FRMPD4: variants seen among roughly 807,000 people sequenced by gnomAD.
FRMPD4 encodes the protein FERM and PDZ domain-containing protein 4.
In FRMPD4, 22 loss-of-function variants were observed where a neutral mutation model predicts 94.1. That is an observed-to-expected ratio of 0.23 (90% CI 0.17 to 0.33). FRMPD4 has a LOEUF of 0.33. FRMPD4 is among the 10% of genes least tolerant of loss of function. The probability of loss-of-function intolerance (pLI) is 1.00; values close to 1 mark genes in which losing one functional copy is unlikely to be tolerated. For synonymous variants in FRMPD4, 631 were observed against 548.6 expected, an observed-to-expected ratio of 1.15 and a Z score of -2.10; for missense variants, 1,111 against 1,339.9, an observed-to-expected ratio of 0.83 and a Z score of 2.67.
chrX:12,632,396 T>C (rs992924907), intron 4 of FRMPD4, among the ~76,000 whole-genome samples: 1 of 111,842 alleles, frequency 8.9e-6, no homozygotes, highest in African/African-American at 3.3e-5. Context: ...TGTGACCCCA[T>C]CCACTAATCC....
chrX:12,617,400 G>C (rs1355026802), intron 4 of FRMPD4, among the ~76,000 whole-genome samples: 1 of 112,161 alleles, frequency 8.9e-6, no homozygotes, highest in Non-Finnish European at 1.9e-5. Context: ...AGTTGCAACA[G>C]AAACTGTCTG....
chrX:12,278,295 C>T (rs903512227), intron 1 of FRMPD4, among the ~76,000 whole-genome samples: 5 of 112,016 alleles, frequency 4.5e-5, no homozygotes, highest in African/African-American at 1.6e-4. Flanking sequence ...TTCCCCCAGA[C>T]CCTGGTTGAT....
intron 4 of FRMPD4, among the ~76,000 whole-genome samples, chrX:12,633,729 T>G (rs2148451111): frequency 8.9e-6 from 1 of 112,521 alleles, no homozygotes; most frequent in East Asian, 2.8e-4. Context: ...AAATTTGTTT[T>G]GATTCCACCT....
intron 1 of FRMPD4, among the ~76,000 whole-genome samples, chrX:12,173,995 G>A (rs2056262761): frequency 9.0e-6 from 1 of 111,520 alleles, no homozygotes; most frequent in Non-Finnish European, 1.9e-5. Flanking sequence ...GGCTCTTCCA[G>A]GGGCTGCCTC....
intron 1 of FRMPD4, among the ~76,000 whole-genome samples, chrX:12,484,663 C>T (rs954350610): frequency 3.6e-5 from 4 of 111,590 alleles, no homozygotes; most frequent in Non-Finnish European, 3.8e-5. Context: ...CTCTAGAGTT[C>T]AGTTTCATTC....
At chrX:12,596,655 T>C (rs1429465934) in intron 2 of FRMPD4, among the ~76,000 whole-genome samples, 2 of 110,653 alleles carry the variant, frequency 1.8e-5, no homozygotes, top group Non-Finnish European at 3.8e-5. Flanking sequence ...CCTCCAAGTG[T>C]CCAGGAAAGA....
chrX:12,650,617 G>C (rs1000960206), intron 4 of FRMPD4, among the ~76,000 whole-genome samples: 1 of 111,983 alleles, frequency 8.9e-6, no homozygotes, highest in Admixed American at 9.5e-5. Flanking sequence ...ATAGTATTTG[G>C]AGAAGGGAAG....
intron 1 of FRMPD4, among the ~76,000 whole-genome samples, chrX:12,300,807 G>T (rs1451778389): frequency 9.0e-6 from 1 of 111,572 alleles, no homozygotes; most frequent in Admixed American, 9.5e-5. Context: ...AGATCCACAG[G>T]GTCTTAATCC....
chrX:12,486,147 A>G (rs2057736976), intron 1 of FRMPD4, among the ~76,000 whole-genome samples: 2 of 110,933 alleles, frequency 1.8e-5, no homozygotes, highest in African/African-American at 6.6e-5. Context: ...GATAGTTAAC[A>G]TCCTGTTTCA....
intron 1 of FRMPD4, among the ~76,000 whole-genome samples, chrX:11,855,755 C>A (rs929256135): frequency 8.9e-6 from 1 of 112,136 alleles, no homozygotes; most frequent in Non-Finnish European, 1.9e-5. Flanking sequence ...TTTTCCACAT[C>A]TTCCTGTCTT....
chrX:12,563,903 G>T (rs955431974), intron 2 of FRMPD4, among the ~76,000 whole-genome samples: 1 of 112,196 alleles, frequency 8.9e-6, no homozygotes, highest in Non-Finnish European at 1.9e-5. Context: ...GAGGACATTT[G>T]CTTTATGTCT....
At chrX:12,492,578 G>A (rs768993729) in intron 1 of FRMPD4, among the ~76,000 whole-genome samples, 7 of 112,084 alleles carry the variant, frequency 6.2e-5, no homozygotes. Context: ...CTGCTTTCAT[G>A]AGGCTTGGCA....
chrX:12,239,663 A>G (rs1187277570), intron 1 of FRMPD4, among the ~76,000 whole-genome samples: 1 of 112,076 alleles, frequency 8.9e-6, no homozygotes, highest in African/African-American at 3.2e-5. Context: ...TCCAGCTGCT[A>G]TAATAGAATC....
At chrX:12,231,637 C>G (rs953022776) in intron 1 of FRMPD4, among the ~76,000 whole-genome samples, 2 of 111,444 alleles carry the variant, frequency 1.8e-5, no homozygotes, top group African/African-American at 6.5e-5. Flanking sequence ...CTGGCCCTAC[C>G]CAGATTTGCT....
rs778006845 is a variant in FRMPD4, at chrX:12,225,619, A to G, written c.41+86607A>G. ...AAAATGGAACAAAGAAAAAAAATAC[A>G]CAGATTAGATGGAGCTAGCCAGGGA... On this transcript the variant is annotated intron_variant, in intron 1 of 16. Transcript: ENST00000675598. Among the ~76,000 whole-genome samples the G allele has an allele frequency of 1.4e-3, 157 of 111,982 alleles. 1 individual carries two copies. The highest frequency in any genetic ancestry group is 2.2e-3 in the Non-Finnish European group (119 of 53,184).
chrX:12,043,092 AT>A (rs1027850709), intron 3 of FRMPD4, among the ~76,000 whole-genome samples: 1 of 111,405 alleles, frequency 9.0e-6, no homozygotes, highest in African/African-American at 3.3e-5. Context: ...TTTTCTGTTT[AT>A]TGTTTGCCTT....
chrX:12,439,892 A>G (rs1251087004), intron 1 of FRMPD4, among the ~76,000 whole-genome samples: 1 of 112,014 alleles, frequency 8.9e-6, no homozygotes, highest in Non-Finnish European at 1.9e-5. Context: ...GACCTTTCCA[A>G]AAATGGGGGG....
At chrX:12,713,529 CAG>C (rs1337526962) in intron 14 of FRMPD4, among the ~76,000 whole-genome samples, 1 of 110,092 alleles carries the variant, frequency 9.1e-6, no homozygotes, top group Non-Finnish European at 1.9e-5. Flanking sequence ...GCGAGGATAA[CAG>C]AGAGAGAGCA....
intron 1 of FRMPD4, among the ~76,000 whole-genome samples, chrX:12,441,156 C>A (rs151333670): frequency 2.2e-3 from 247 of 112,091 alleles, no homozygotes; most frequent in Non-Finnish European, 2.3e-3. Context: ...TGTAAACTTA[C>A]AATCGCCAGC....
Sources: gnomAD v4.1 joint callset for allele counts (sites outside exome capture counted in the v4.1 genomes callset) on GRCh38, gnomAD v4.1.1 for gene constraint, MANE v1.5 for transcripts, NCBI Gene and HGNC (gene_info 2026-07-23, HGNC 2026-07-21) for gene names.